The following SMOC2 variants were observed in gnomAD, a reference collection of about 807,000 sequenced individuals.
SMOC2 encodes the protein SPARC related modular calcium binding 2.
SMOC2 carries 39 observed loss-of-function variants against 61.4 expected under a neutral mutation model. The observed-to-expected ratio is 0.64, with a 90% confidence interval of 0.49 to 0.83. The LOEUF is 0.83. Among genes scored for constraint, SMOC2 ranks in the 40% least tolerant of loss-of-function variants. The probability of loss-of-function intolerance (pLI) is 0.00; values close to 1 mark genes in which losing one functional copy is unlikely to be tolerated. For synonymous variants in SMOC2, 247 were observed against 239.9 expected, an observed-to-expected ratio of 1.03 and a Z score of -0.27; for missense variants, 556 against 592.9, an observed-to-expected ratio of 0.94 and a Z score of 0.65.
intron 7 of SMOC2, among the ~76,000 whole-genome samples, chr6:168,573,622 G>A (rs1343059999): frequency 1.3e-5 from 2 of 152,134 alleles, no homozygotes; most frequent in Non-Finnish European, 2.9e-5. Flanking sequence ...ACAGGGCAGA[G>A]AGCAGCATGC....
chr6:168,637,285 A>T (rs1786763307), intron 9 of SMOC2, among the ~76,000 whole-genome samples: 1 of 152,058 alleles, frequency 6.6e-6, no homozygotes, highest in South Asian at 2.1e-4. Context: ...CCTGTGTGCC[A>T]GGGTGGCCGC....
At chr6:168,556,452 G>A (rs1235586731) in intron 7 of SMOC2, among the ~76,000 whole-genome samples, 2 of 152,124 alleles carry the variant, frequency 1.3e-5, no homozygotes, top group Non-Finnish European at 2.9e-5. Flanking sequence ...TGGCCTCGCA[G>A]ACTGTGCGGG....
intron 9 of SMOC2, among the ~76,000 whole-genome samples, chr6:168,642,192 C>T (rs1786906182): frequency 6.6e-6 from 1 of 152,200 alleles, no homozygotes. Context: ...CTCAGAGACT[C>T]CAGCACAGCC....
In SMOC2 at chr6:168,535,902, C is replaced by T. The variant is rs1269961772; in HGVS notation, c.464-7723C>T. Among the ~76,000 whole-genome samples the T allele has an allele frequency of 2.6e-5, 4 of 152,180 alleles. No individual in the cohort carries two copies. The highest frequency in any genetic ancestry group is 2.1e-4 in the South Asian group (1 of 4,830). ...CCGCCGGGGGAAGATGGGAGGGAGA[C>T]GCATGAGCAGTGACAGGGATCCTGG... On this transcript the variant is annotated intron_variant, in intron 4 of 12. Transcript: ENST00000356284. This position sits in a 1 kb window ranked among gnomAD's most constrained non-coding sequence, Gnocchi z 4.6.
intron 7 of SMOC2, among the ~76,000 whole-genome samples, chr6:168,587,257 G>A (rs117645617): frequency 3.8e-4 from 58 of 152,194 alleles, no homozygotes; most frequent in African/African-American, 1.3e-3. Flanking sequence ...AACTCCTCCC[G>A]CCCACCTTGT....
At chr6:168,571,640 A>G (rs1784668067) in intron 7 of SMOC2, among the ~76,000 whole-genome samples, 1 of 152,150 alleles carries the variant, frequency 6.6e-6, no homozygotes, top group Admixed American at 6.5e-5. Context: ...TGGTAGGGAC[A>G]CTTCCATGAG....
At chr6:168,589,689 C>T (rs9456224) in intron 7 of SMOC2, among the ~76,000 whole-genome samples, 4,860 of 84,168 alleles carry the variant, frequency 0.058, 2 homozygotes, top group South Asian at 0.083. Context: ...GGGCAGCCGG[C>T]CTGGTGGTGG....
At chr6:168,640,091 T>C (rs933166044) in intron 9 of SMOC2, among the ~76,000 whole-genome samples, 1 of 152,200 alleles carries the variant, frequency 6.6e-6, no homozygotes, top group Non-Finnish European at 1.5e-5. Flanking sequence ...CACTGCTCCC[T>C]CCTGATGGAT....
chr6:168,539,435 T>C lies in SMOC2; in HGVS notation c.464-4190T>C, dbSNP rs112734498. On this transcript the variant is annotated intron_variant, in intron 4 of 12. Coordinates refer to ENST00000356284, the MANE Select transcript of SMOC2 (RefSeq NM_001166412.2). The stretch of plus-strand genomic sequence containing the variant: ...TTTCACACACCACCCTTTTCCACCC[T>C]TCTCACCACCCCTTGGTCCGTTCAT... 1.7e-3 allele frequency among the ~76,000 whole-genome samples: 262 copies of C among 152,274 alleles called. 1 individual carries two copies. Among genetic ancestry groups the C allele is most frequent in the African/African-American group, 5.7e-3 (239 of 41,578 alleles).
At chr6:168,510,694 C>T (rs939577120) in intron 2 of SMOC2, among the ~76,000 whole-genome samples, 2 of 152,158 alleles carry the variant, frequency 1.3e-5, no homozygotes, top group Non-Finnish European at 2.9e-5. Flanking sequence ...CATCATCTGG[C>T]AGTTAGCTTC....
chr6:168,477,883 T>C (rs1329951866), intron 1 of SMOC2, among the ~76,000 whole-genome samples: 1 of 152,172 alleles, frequency 6.6e-6, no homozygotes, highest in Non-Finnish European at 1.5e-5. Context: ...ATTTTCTCAT[T>C]CCGCGACCCA....
intron 1 of SMOC2, among the ~76,000 whole-genome samples, chr6:168,472,871 G>A (rs1781994078): frequency 6.6e-6 from 1 of 152,138 alleles, no homozygotes; most frequent in Non-Finnish European, 1.5e-5. Context: ...GCATCGTGAT[G>A]TTTTGAAGCT....
chr6:168,648,400 A>T (rs1488812220), intron 9 of SMOC2, among the ~76,000 whole-genome samples: 1 of 152,184 alleles, frequency 6.6e-6, no homozygotes, highest in Admixed American at 6.5e-5. Context: ...TGTGCCCTGG[A>T]GGCATTTTCA....
Position 168,509,939 on chromosome 6 carries a change from G to A in SMOC2, c.109G>A (p.Asp37Asn), listed in dbSNP as rs935156908. ...LTFLRVDQDK[D>N]KDCSLDCAGS... is the part of the protein sequence containing the mutation. Reference sequence around the variant, plus strand: ...GTTTTTGAGAGTGGATCAAGATAAAGACAAGGATTGTAGCTTGGACTGTGC... The same window carrying A: ...GTTTTTGAGAGTGGATCAAGATAAAAACAAGGATTGTAGCTTGGACTGTGC... The change falls in exon 2 of 13, where the codon GAC (aspartate) becomes AAC (asparagine). Residue 37 changes from aspartate to asparagine, a missense_variant. Physicochemically the swap from Asp to Asn is conservative, Grantham distance 23. Transcript: ENST00000356284. The A allele has an allele frequency of 1.2e-6, 2 of 1,607,844 alleles. No homozygotes were observed. Among genetic ancestry groups the A allele is most frequent in the African/African-American group, 2.7e-5 (2 of 74,806 alleles).
intron 9 of SMOC2, among the ~76,000 whole-genome samples, chr6:168,624,321 G>A (rs1474874661): frequency 3.2e-4 from 49 of 152,214 alleles, no homozygotes; most frequent in Non-Finnish European, 1.9e-4. Context: ...CCACATGGAA[G>A]CTAATCTGAG....
intron 2 of SMOC2, among the ~76,000 whole-genome samples, chr6:168,522,893 G>T (rs903123704): frequency 1.3e-5 from 2 of 152,054 alleles, no homozygotes; most frequent in East Asian, 3.9e-4. Context: ...ATAGTTCTAG[G>T]GGTTGAGGTG....
intron 11 of SMOC2, among the ~76,000 whole-genome samples, chr6:168,657,648 G>A (rs544229223): frequency 6.6e-6 from 1 of 152,138 alleles, no homozygotes; most frequent in Non-Finnish European, 1.5e-5. Context: ...CCATGGATGG[G>A]ATACCTTATG....
In SMOC2 at chr6:168,517,176, A is replaced by T. The variant is rs551050312; in HGVS notation, c.256+7090A>T. Among the ~76,000 whole-genome samples the T allele has an allele frequency of 1.3e-4, 20 of 152,274 alleles. 1 individual carries two copies. Among genetic ancestry groups the T allele is most frequent in the Admixed American group, 3.9e-4 (6 of 15,296 alleles). On this transcript the variant is annotated intron_variant, in intron 2 of 12. Transcript: ENST00000356284. ...GCTCCTTTCTTCAAGGTTGCCCCAG[A>T]CAGTCAGCTGTGAGGCCTCGCTCTG...
intron 1 of SMOC2, among the ~76,000 whole-genome samples, chr6:168,502,970 G>A (rs1177322031): frequency 6.7e-6 from 1 of 148,246 alleles, no homozygotes; most frequent in Non-Finnish European, 1.5e-5. Flanking sequence ...GTTTCACTGT[G>A]TTAGCCAGGA....
Sources: gnomAD v4.1 joint callset for allele counts (sites outside exome capture counted in the v4.1 genomes callset) on GRCh38, gnomAD v4.1.1 for gene constraint, Gnocchi (gnomAD v3.1) non-coding constraint, MANE v1.5 for transcripts, NCBI Gene and HGNC (gene_info 2026-07-23, HGNC 2026-07-21) for gene names.